FGD5: variants seen among roughly 807,000 people sequenced by gnomAD.
FGD5 encodes the protein FYVE, RhoGEF and PH domain containing 5, also known as FYVE, RhoGEF and PH domain-containing protein 5.
FGD5 carries 28 observed loss-of-function variants against 133.4 expected under a neutral mutation model. The observed-to-expected ratio is 0.21, with a 90% CI of 0.16 to 0.29. The LOEUF (loss-of-function observed/expected upper bound fraction) is 0.29. Ranked by LOEUF, FGD5 falls within the 10% of genes least tolerant of loss-of-function variation. The pLI, the probability that FGD5 is intolerant of heterozygous loss-of-function variation, is 1.00. For missense variants in FGD5, 1,858 were observed against 1,895.2 expected (o/e 0.98, Z 0.36); for synonymous variants, 810 against 776.5 (o/e 1.04, Z -0.72).
rs201883392 is a variant in FGD5 at position 14,909,761 on chromosome 3, C to CT, written c.3337-1084dup. Among the ~76,000 whole-genome samples the CT allele has an allele frequency of 5.0e-3, 684 of 137,470 alleles. 4 individuals are homozygous for CT. Among genetic ancestry groups the CT allele is most frequent in the South Asian group, 0.016 (70 of 4,308 alleles). 90.2% of individuals were successfully genotyped at this position (137,470 alleles called of 152,430 possible). A position where few individuals can be genotyped will look rare whatever the true frequency, so the allele number is the denominator to read the frequency against. The stretch of plus-strand genomic sequence containing the variant: ...ATGCACTTTTCTTTTCTTTTCTTTT[C>CT]TTTTTTTTTTTTTTTTGGAGACAGA... On this transcript the variant is annotated intron_variant, in intron 10 of 19. Coordinates refer to ENST00000285046, the MANE Select transcript of FGD5 (RefSeq NM_152536.4).
At position 14,932,711 on chromosome 3, in the gene FGD5, AGAT is replaced by A; in HGVS notation, c.4333_4335del (p.Asp1445del). ...CCCTATTTTATAGCTTCAAAGCAGA[AGAT>A]ACCAATTCAGCTCAGAGGTACGAAA... On this transcript the variant is annotated inframe_deletion, in exon 19 of 20. Coordinates refer to ENST00000285046, the MANE Select transcript of FGD5 (RefSeq NM_152536.4). 1 of 1,613,916 alleles carries A rather than the reference AGAT, an allele frequency of 6.2e-7. No individual in the cohort carries two copies. The highest frequency in any genetic ancestry group is 8.5e-7 in the Non-Finnish European group (1 of 1,179,880).
Position 14,820,217 on chromosome 3 carries a change from G to A in FGD5, c.1146G>A (p.Leu382=), listed in dbSNP as rs763114868. ...LESEQAPKLG[L]RAEENPMVGA... ...CAGAGCAGGCACCAAAGCTGGGGCT[G>A]CGTGCGGAGGAGAACCCCATGGTGG... Residue 382 remains leucine (L), a synonymous_variant, in exon 1 of 20, where the codon CTG becomes CTA. Transcript: ENST00000285046. 1.9e-6 allele frequency: 3 copies of A among 1,609,668 alleles called. No individual in the cohort carries two copies. The South Asian group carries it at 3.3e-5, about 18-fold the overall frequency.
intron 4 of FGD5, among the ~76,000 whole-genome samples, chr3:14,888,057 C>G (rs1183847316): frequency 6.6e-6 from 1 of 151,232 alleles, no homozygotes; most frequent in South Asian, 2.1e-4. Flanking sequence ...GTAATCCCAG[C>G]TACTTGGGAG....
At chr3:14,883,387 C>T (rs181330484) in intron 4 of FGD5, among the ~76,000 whole-genome samples, 49 of 152,268 alleles carry the variant, frequency 3.2e-4, no homozygotes, top group Admixed American at 2.5e-3. Flanking sequence ...TCCTCACCTG[C>T]GCATCTGTCA....
intron 2 of FGD5, among the ~76,000 whole-genome samples, chr3:14,875,456 A>T (rs946003228): frequency 2.6e-5 from 4 of 152,152 alleles, no homozygotes; most frequent in Non-Finnish European, 5.9e-5. Flanking sequence ...AACCAAACAC[A>T]CCCAGAGGTA....
chr3:14,814,054 C>T (rs546437124), upstream of FGD5, among the ~76,000 whole-genome samples: 1 of 152,270 alleles, frequency 6.6e-6, no homozygotes, highest in Non-Finnish European at 1.5e-5. Context: ...TTGAGTCATC[C>T]TCGGGCATAG....
chr3:14,897,526 C>T lies in FGD5; in HGVS notation c.2766C>T (p.Val922=). 6.2e-7 allele frequency: 1 copy of T among 1,606,148 alleles called. No homozygotes were observed. The highest frequency in any genetic ancestry group is 1.1e-5 in the South Asian group (1 of 89,006). The change falls in exon 5 of 20, where the codon GTC becomes GTT. Residue 922 remains valine (V), a synonymous_variant. Coordinates refer to ENST00000285046, the MANE Select transcript of FGD5 (RefSeq NM_152536.4). ...QHLNLDFHGA[V]MRALDDMDHE... is the part of the protein sequence containing the mutation. ...TGTTTCAGGATTTCCATGGAGCTGT[C>T]ATGAGGGCCTTGGATGACATGGACC...
At chr3:14,893,645 G>A (rs1383413825) in intron 4 of FGD5, among the ~76,000 whole-genome samples, 1 of 151,910 alleles carries the variant, frequency 6.6e-6, no homozygotes, top group African/African-American at 2.4e-5. Context: ...ACCATGCCTG[G>A]CCTCTTCTAG....
At chr3:14,916,923 A>T (rs528084376) in intron 11 of FGD5, among the ~76,000 whole-genome samples, 1 of 152,208 alleles carries the variant, frequency 6.6e-6, no homozygotes, top group Non-Finnish European at 1.5e-5. Flanking sequence ...TCTGTGGTAT[A>T]TGGATAGACC....
At chr3:14,910,831 G>T in intron 10 of FGD5, 30 bp from the exon 11 acceptor site, 2 of 1,606,692 alleles carry the variant, frequency 1.2e-6, no homozygotes, top group South Asian at 2.2e-5. Context: ...GCATCAGCCT[G>T]ACCGCCAAGT....
chr3:14,915,126 C>T (rs1396100869), intron 11 of FGD5, among the ~76,000 whole-genome samples: 2 of 152,230 alleles, frequency 1.3e-5, no homozygotes, highest in Non-Finnish European at 2.9e-5. Context: ...CTGGCCCCTA[C>T]AGGACAGTGC....
In FGD5 at chr3:14,933,320, C is replaced by A. The variant is rs2038930443; in HGVS notation, c.*153C>A. ...CTATAACCGCCCCACCACTCCCCTG[C>A]CCTTGCCAACATCTTCATGAATGGA... On this transcript the variant is annotated 3_prime_UTR_variant, in exon 20 of 20. Coordinates refer to ENST00000285046, the MANE Select transcript of FGD5 (RefSeq NM_152536.4). 8.1e-6 allele frequency: 6 copies of A among 742,000 alleles called. No individual in the cohort carries two copies. In the South Asian group the frequency reaches 9.5e-5, roughly 12 times the overall value. The allele number at this position is 742,000 out of a possible 1,614,324, so 46.0% of individuals were successfully genotyped here.
upstream of FGD5, chr3:14,818,846 T>C: frequency 8.1e-7 from 1 of 1,234,334 alleles, no homozygotes; most frequent in African/African-American, 1.6e-5. Flanking sequence ...GGGCTTCACA[T>C]GGATGGACGG....
chr3:14,894,517 T>A (rs2038095025), intron 4 of FGD5, among the ~76,000 whole-genome samples: 1 of 150,724 alleles, frequency 6.6e-6, no homozygotes, highest in Non-Finnish European at 1.5e-5. Context: ...TTTTTTTTTT[T>A]TTTTTTTTCC....
chr3:14,923,548 C>T (rs2038728627), intron 16 of FGD5, among the ~76,000 whole-genome samples: 1 of 152,132 alleles, frequency 6.6e-6, no homozygotes, highest in South Asian at 2.1e-4. Flanking sequence ...AGCAGAGGAG[C>T]TGGGGTCAGG....
At chr3:14,896,887 G>T (rs568758505) in intron 4 of FGD5, 46 of 152,304 alleles carry the variant, frequency 3.0e-4, no homozygotes, top group African/African-American at 1.1e-3. Context: ...TTCTGTACTC[G>T]TGACCCAGCC....
At chr3:14,882,834 G>T (rs2037853215) in intron 4 of FGD5, among the ~76,000 whole-genome samples, 1 of 152,130 alleles carries the variant, frequency 6.6e-6, no homozygotes, top group Non-Finnish European at 1.5e-5. Flanking sequence ...CCTAGCTAGG[G>T]ACATGAGTCT....
chr3:14,894,711 A>G lies in FGD5; in HGVS notation c.2749-2798A>G, dbSNP rs111701525. On this transcript the variant is annotated intron_variant, in intron 4 of 19. Coordinates refer to ENST00000285046, the MANE Select transcript of FGD5 (RefSeq NM_152536.4). The stretch of plus-strand genomic sequence containing the variant: ...TTTTTTTTAGATACGAGATCTTGCT[A>G]TGTTGCCCAGACTGGTCTTGAACTC... Among the ~76,000 whole-genome samples the G allele has an allele frequency of 3.7e-3, 497 of 135,658 alleles. 5 individuals are homozygous for G. The highest frequency in any genetic ancestry group is 0.013 in the African/African-American group (461 of 35,974). 89.0% of individuals were successfully genotyped at this position (135,658 alleles called of 152,430 possible).
intron 4 of FGD5, among the ~76,000 whole-genome samples, chr3:14,884,234 A>G (rs1397845034): frequency 6.6e-6 from 1 of 152,200 alleles, no homozygotes; most frequent in Non-Finnish European, 1.5e-5. Context: ...TCCTAGAGGA[A>G]GCCAAAAGTT....
Sources: allele counts gnomAD v4.1 joint callset (sites outside exome capture counted in the v4.1 genomes callset), GRCh38; gene constraint gnomAD v4.1.1; transcripts MANE v1.5; gene names NCBI Gene and HGNC (gene_info 2026-07-23, HGNC 2026-07-21).